DLG2: variants seen among roughly 807,000 people sequenced by gnomAD.
DLG2 encodes the protein discs large MAGUK scaffold protein 2, also known as disks large homolog 2.
DLG2 carries 45 observed loss-of-function variants against 132.5 expected under a neutral mutation model. That is an observed-to-expected ratio of 0.34 (90% CI 0.27 to 0.44). DLG2 has a LOEUF of 0.44. DLG2 is among the 20% of genes least tolerant of loss of function. The pLI, the probability that DLG2 is intolerant of heterozygous loss-of-function variation, is 1.00. For missense variants in DLG2, 1,045 were observed against 1,196.9 expected (o/e 0.87, Z 1.87); for synonymous variants, 424 against 419.6 (o/e 1.01, Z -0.13).
At chr11:85,423,874 T>C (rs910649505) in intron 3 of DLG2, among the ~76,000 whole-genome samples, 9 of 152,134 alleles carry the variant, frequency 5.9e-5, no homozygotes, top group Non-Finnish European at 1.5e-5. Context: ...AAAGCAAATA[T>C]GGCTTCCCTT....
chr11:84,357,176 G>C (rs964045133), intron 7 of DLG2, among the ~76,000 whole-genome samples: 1 of 152,044 alleles, frequency 6.6e-6, no homozygotes, highest in African/African-American at 2.4e-5. Context: ...TTCTTAAAAA[G>C]ATAGCTCTGG....
At chr11:83,577,683 TC>T (rs2096899918) in intron 19 of DLG2, among the ~76,000 whole-genome samples, 1 of 126,910 alleles carries the variant, frequency 7.9e-6, no homozygotes, top group South Asian at 2.3e-4. Context: ...CCTATTTATA[TC>T]CTATAATAAA....
At chr11:84,615,214 T>A (rs1396686518) in intron 6 of DLG2, among the ~76,000 whole-genome samples, 1 of 152,152 alleles carries the variant, frequency 6.6e-6, no homozygotes, top group Non-Finnish European at 1.5e-5. Context: ...AGCTTTATTT[T>A]TATTGGATGA....
intron 10 of DLG2, among the ~76,000 whole-genome samples, chr11:84,095,557 T>C (rs574394293): frequency 6.6e-6 from 1 of 152,290 alleles, no homozygotes; most frequent in African/African-American, 2.4e-5. Context: ...GAGAAAAGAC[T>C]TAGTCTGACT....
chr11:85,323,500 G>A (rs965574813), intron 3 of DLG2, among the ~76,000 whole-genome samples: 1 of 152,006 alleles, frequency 6.6e-6, no homozygotes, highest in Non-Finnish European at 1.5e-5. Context: ...TCTTTGTGTT[G>A]GGAACATTCC....
intron 19 of DLG2, among the ~76,000 whole-genome samples, chr11:83,544,547 T>A (rs2096184392): frequency 6.6e-6 from 1 of 152,084 alleles, no homozygotes; most frequent in African/African-American, 2.4e-5. Context: ...AACTTGGGTC[T>A]CCAGATCCAA....
At chr11:84,094,801 G>C (rs980552183) in intron 10 of DLG2, among the ~76,000 whole-genome samples, 3 of 152,028 alleles carry the variant, frequency 2.0e-5, no homozygotes, top group Non-Finnish European at 4.4e-5. Flanking sequence ...AATTTTGGGA[G>C]GATACAAATA....
intron 22 of DLG2, among the ~76,000 whole-genome samples, chr11:83,481,036 C>G (rs11233634): frequency 0.19 from 28,932 of 151,968 alleles, 2,940 homozygotes; most frequent in Middle Eastern, 0.21. Flanking sequence ...TAATATTTTA[C>G]GAATCAGCTC....
At chr11:83,490,888 TAA>T (rs1240300258) in intron 21 of DLG2, among the ~76,000 whole-genome samples, 9 of 151,924 alleles carry the variant, frequency 5.9e-5, no homozygotes, top group African/African-American at 2.2e-4. Context: ...GTCAGAAAAA[TAA>T]AAAGTCATAT....
At chr11:84,034,704 T>C (rs1189500349) in intron 11 of DLG2, among the ~76,000 whole-genome samples, 1 of 152,094 alleles carries the variant, frequency 6.6e-6, no homozygotes, top group Admixed American at 6.6e-5. Flanking sequence ...CATCATCTGA[T>C]AGGAGACAGC....
At chr11:85,435,325 A>T (rs2091418379) in intron 3 of DLG2, among the ~76,000 whole-genome samples, 1 of 152,108 alleles carries the variant, frequency 6.6e-6, no homozygotes, top group African/African-American at 2.4e-5. Flanking sequence ...ATCAGGCAAG[A>T]GAAATAAATA....
chr11:84,683,647 C>T (rs1278292815), intron 6 of DLG2, among the ~76,000 whole-genome samples: 1 of 152,178 alleles, frequency 6.6e-6, no homozygotes, highest in Non-Finnish European at 1.5e-5. Flanking sequence ...CAGATGAGCA[C>T]ATGCAGCTGG....
chr11:83,698,778 C>T lies in DLG2; in HGVS notation c.1826-65453G>A, dbSNP rs187606534. Among the ~76,000 whole-genome samples the T allele has an allele frequency of 4.6e-5, 7 of 152,274 alleles. No homozygotes were observed. In the East Asian group the frequency reaches 1.2e-3, roughly 25 times the overall value. On this transcript the variant is annotated intron_variant, in intron 18 of 27. Transcript: ENST00000376104. ...TCTTCTCATCCTACGTTATCTCTTC[C>T]ACATCCTATGTTATCTCTTCCACAT...
intron 6 of DLG2, among the ~76,000 whole-genome samples, chr11:84,942,744 T>G (rs1200494629): frequency 6.6e-6 from 1 of 152,148 alleles, no homozygotes; most frequent in Non-Finnish European, 1.5e-5. Flanking sequence ...GTCCATTTGG[T>G]CTATGGTGCA....
intron 3 of DLG2, among the ~76,000 whole-genome samples, chr11:85,349,556 C>T (rs2083119391): frequency 1.3e-5 from 2 of 152,082 alleles, no homozygotes; most frequent in Non-Finnish European, 2.9e-5. Context: ...TGCTATCCCT[C>T]CCCCAGCCCT....
At chr11:84,813,318 T>C (rs1230344194) in intron 6 of DLG2, among the ~76,000 whole-genome samples, 1 of 151,900 alleles carries the variant, frequency 6.6e-6, no homozygotes, top group Non-Finnish European at 1.5e-5. Context: ...GCCTTCTAGA[T>C]CCATTATAAT....
chr11:85,318,049 T>C (rs939179096), intron 3 of DLG2, among the ~76,000 whole-genome samples: 1 of 151,894 alleles, frequency 6.6e-6, no homozygotes, highest in Non-Finnish European at 1.5e-5. Context: ...TGCCAATCCA[T>C]CACAATTTTT....
intron 15 of DLG2, among the ~76,000 whole-genome samples, chr11:83,889,637 C>G (rs958182753): frequency 2.0e-5 from 3 of 152,134 alleles, no homozygotes; most frequent in African/African-American, 7.2e-5. Context: ...ATAAATCATG[C>G]TGCTATAAAG....
intron 5 of DLG2, among the ~76,000 whole-genome samples, chr11:85,151,144 T>C (rs1216644852): frequency 6.6e-6 from 1 of 152,244 alleles, no homozygotes; most frequent in African/African-American, 2.4e-5. Flanking sequence ...TTCATAGATG[T>C]ATTGGCCATT....
Sources: allele counts gnomAD v4.1 joint callset (sites outside exome capture counted in the v4.1 genomes callset), GRCh38; gene constraint gnomAD v4.1.1; transcripts MANE v1.5; gene names NCBI Gene and HGNC (gene_info 2026-07-23, HGNC 2026-07-21).